Variants in ME3 observed in about 807,000 individuals in gnomAD.
ME3 encodes the protein NADP-dependent malic enzyme, mitochondrial.
Under a neutral mutation model 68.9 loss-of-function variants are expected in ME3, and 48 were observed. The ratio of observed to expected loss-of-function variants is 0.70; its 90% CI spans 0.55 to 0.89. The LOEUF (loss-of-function observed/expected upper bound fraction) is 0.89, where lower values mean the gene tolerates loss of function less well. Among genes scored for constraint, ME3 ranks in the 40% least tolerant of loss-of-function variants. ME3 has a pLI of 0.00. For synonymous variants in ME3, 320 were observed against 318.8 expected, an observed-to-expected ratio of 1.00 and a Z score of -0.04; for missense variants, 675 against 797.4, an observed-to-expected ratio of 0.85 and a Z score of 1.85.
intron 2 of ME3, among the ~76,000 whole-genome samples, chr11:86,654,540 T>C (rs997243571): frequency 3.3e-5 from 5 of 152,204 alleles, no homozygotes; most frequent in Non-Finnish European, 7.3e-5. Context: ...TTGACAAAAT[T>C]CAACAACCCT....
intron 4 of ME3, among the ~76,000 whole-genome samples, chr11:86,523,838 T>C (rs1222041558): frequency 2.0e-5 from 3 of 152,142 alleles, no homozygotes; most frequent in East Asian, 3.8e-4. Flanking sequence ...TCAGCTGAAA[T>C]TGACACCTCT....
intron 7 of ME3, among the ~76,000 whole-genome samples, chr11:86,475,872 T>TAGAGAGAG (rs1317802075): frequency 6.2e-4 from 64 of 103,732 alleles, no homozygotes; most frequent in East Asian, 4.4e-3. Flanking sequence ...TATATATATA[T>TAGAGAGAG]ATAGAGAGAG....
intron 4 of ME3, among the ~76,000 whole-genome samples, chr11:86,522,361 CTTTTTTTTT>C (rs139483078): frequency 7.1e-6 from 1 of 141,634 alleles, no homozygotes. Flanking sequence ...CTATTTTTTT[CTTTTTTTTT>C]TTTTTACATT....
chr11:86,495,047 A>C (rs1952234857), intron 6 of ME3, among the ~76,000 whole-genome samples: 2 of 152,220 alleles, frequency 1.3e-5, no homozygotes, highest in Admixed American at 1.3e-4. Context: ...TTAGCAATAA[A>C]AATTCTAAAA....
chr11:86,522,795 G>T (rs892282162), intron 4 of ME3, among the ~76,000 whole-genome samples: 2 of 152,094 alleles, frequency 1.3e-5, no homozygotes, highest in Non-Finnish European at 2.9e-5. Flanking sequence ...GGGCATTTGG[G>T]TTGGTTCCAA....
intron 2 of ME3, among the ~76,000 whole-genome samples, chr11:86,587,467 A>G (rs1958806512): frequency 6.6e-6 from 1 of 152,128 alleles, no homozygotes; most frequent in Non-Finnish European, 1.5e-5. Flanking sequence ...CGCTTTCCTC[A>G]TGCCCCACCG....
chr11:86,559,809 G>A, exon 3 of ME3: 1 of 1,613,784 alleles, frequency 6.2e-7, no homozygotes, highest in Non-Finnish European at 8.5e-7. Flanking sequence ...TTTCTTCAAG[G>A]GTAAAGGCCA....
chr11:86,530,415 C>T (rs1301348567), intron 4 of ME3, among the ~76,000 whole-genome samples: 2 of 152,140 alleles, frequency 1.3e-5, no homozygotes, highest in Non-Finnish European at 2.9e-5. Context: ...TGGAAATGGC[C>T]ATAGTGCCCA....
At chr11:86,562,212 G>T (rs148607190) in intron 2 of ME3, among the ~76,000 whole-genome samples, 3 of 152,142 alleles carry the variant, frequency 2.0e-5, no homozygotes, top group Admixed American at 2.0e-4. Context: ...TTAGAAATAC[G>T]CACCTAGAGT....
exon 13 of ME3, chr11:86,446,466 C>T (rs758514252): frequency 1.2e-6 from 2 of 1,614,192 alleles, no homozygotes; most frequent in Non-Finnish European, 1.7e-6. Context: ...AAAGGACTTC[C>T]ACTGGCAAAA....
At chr11:86,608,187 G>C (rs1942292336) in intron 2 of ME3, among the ~76,000 whole-genome samples, 1 of 152,152 alleles carries the variant, frequency 6.6e-6, no homozygotes, top group Admixed American at 6.5e-5. Context: ...AATGGATCTA[G>C]CAGATTAAAG....
chr11:86,518,506 T>G (rs563588089), intron 4 of ME3, among the ~76,000 whole-genome samples: 44 of 152,362 alleles, frequency 2.9e-4, no homozygotes, highest in Non-Finnish European at 5.7e-4. Context: ...TTCTCGAATT[T>G]ATCATTCTTC....
intron 2 of ME3, among the ~76,000 whole-genome samples, chr11:86,562,814 G>A (rs1029383410): frequency 6.6e-5 from 10 of 151,708 alleles, no homozygotes; most frequent in African/African-American, 2.4e-4. Flanking sequence ...TCAACCTCCA[G>A]TATCCTCCTT....
At chr11:86,522,659 C>T (rs1457411207) in intron 4 of ME3, among the ~76,000 whole-genome samples, 1 of 152,020 alleles carries the variant, frequency 6.6e-6, no homozygotes, top group East Asian at 1.9e-4. Flanking sequence ...TGTTAGTTTG[C>T]TGAGAATGAT....
chr11:86,596,594 G>A (rs1179491580), intron 2 of ME3, among the ~76,000 whole-genome samples: 1 of 152,174 alleles, frequency 6.6e-6, no homozygotes, highest in Non-Finnish European at 1.5e-5. Flanking sequence ...GAGCCCTTGA[G>A]ACTTTAAGAA....
chr11:86,515,086 G>A (rs1953800424), intron 4 of ME3, among the ~76,000 whole-genome samples: 2 of 152,148 alleles, frequency 1.3e-5, no homozygotes, highest in South Asian at 4.1e-4. Flanking sequence ...AAGTATGGCA[G>A]GTAGAAAATC....
chr11:86,497,949 G>A lies in ME3; in HGVS notation c.705+14C>T. ...CTTTTGGCCCCAGAGCTCCTGCCCT[G>A]GGCAGTGGGTTACCTCATTGTTGGT... On this transcript the variant is annotated intron_variant, in intron 6 of 14. Coordinates refer to ENST00000543262, the Ensembl canonical transcript of ME3. 1.3e-6 allele frequency: 2 copies of A among 1,585,058 alleles called. No individual in the cohort carries two copies. The highest frequency in any genetic ancestry group is 1.7e-6 in the Non-Finnish European group (2 of 1,163,596).
At chr11:86,579,720 A>G (rs1179205076) in intron 2 of ME3, among the ~76,000 whole-genome samples, 2 of 152,188 alleles carry the variant, frequency 1.3e-5, no homozygotes, top group Admixed American at 1.3e-4. Context: ...TTTCCTTAAT[A>G]ATTACAGTTT....
chr11:86,631,265 T>G (rs540673118), intron 2 of ME3, among the ~76,000 whole-genome samples: 1 of 152,348 alleles, frequency 6.6e-6, no homozygotes, highest in Non-Finnish European at 1.5e-5. Context: ...TGAAGCCCAG[T>G]GGTCACAGTC....
Sources: gnomAD v4.1 joint callset for allele counts (sites outside exome capture counted in the v4.1 genomes callset) on GRCh38, gnomAD v4.1.1 for gene constraint, MANE v1.5 for transcripts, NCBI Gene and HGNC (gene_info 2026-07-23, HGNC 2026-07-21) for gene names.